LRRC8D: variants seen among roughly 807,000 people sequenced by gnomAD.
The protein encoded by LRRC8D is leucine rich repeat containing 8 VRAC subunit D.
A neutral mutation model predicts 55.8 loss-of-function variants in LRRC8D; 20 were observed. The observed-to-expected ratio is 0.36, with a 90% CI of 0.25 to 0.52. The LOEUF is 0.52. Among genes scored for constraint, LRRC8D ranks in the 20% least tolerant of loss-of-function variants. The probability of loss-of-function intolerance (pLI) is 0.93; values close to 1 mark genes in which losing one functional copy is unlikely to be tolerated. For missense variants in LRRC8D, 651 were observed against 1,030.8 expected (o/e 0.63, Z 5.05); for synonymous variants, 352 against 377.0 (o/e 0.93, Z 0.77).
chr1:89,856,710 A>G (rs1201045185), intron 2 of LRRC8D, among the ~76,000 whole-genome samples: 2 of 152,154 alleles, frequency 1.3e-5, no homozygotes, highest in African/African-American at 4.8e-5. Context: ...TGTAGACGGT[A>G]TATATTTGGG....
chr1:89,843,867 G>C, intron 2 of LRRC8D, 85 bp downstream of exon 2: 2 of 561,148 alleles, frequency 3.6e-6, no homozygotes, highest in Admixed American at 5.7e-5. Context: ...TGCATCTCCA[G>C]CTCTGTGCTG....
rs1469571788 is a variant in LRRC8D, at chr1:89,893,885, T to C, written c.-2-39182T>C. Among the ~76,000 whole-genome samples the C allele has an allele frequency of 5.9e-5, 9 of 152,332 alleles. 1 individual carries two copies. In the East Asian group the frequency reaches 1.7e-3, roughly 29 times the overall value. ...TTTGCAGATAATTGGTGATGTGAGT[T>C]TTTGACTGACTTGAGATTAAAATGT... On this transcript the variant is annotated intron_variant, in intron 2 of 2. Coordinates refer to ENST00000337338, the MANE Select transcript of LRRC8D (RefSeq NM_001134479.2).
intron 2 of LRRC8D, among the ~76,000 whole-genome samples, chr1:89,922,352 A>C (rs1557485319): frequency 6.6e-6 from 1 of 152,222 alleles, no homozygotes; most frequent in Non-Finnish European, 1.5e-5. Flanking sequence ...GACATGAGCC[A>C]CTGCGTCTGG....
intron 2 of LRRC8D, among the ~76,000 whole-genome samples, chr1:89,845,659 A>T (rs2100751597): frequency 6.6e-6 from 1 of 152,058 alleles, no homozygotes; most frequent in Non-Finnish European, 1.5e-5. Context: ...CTGGTCTCGA[A>T]CTCCTAACCT....
At chr1:89,853,641 C>T (rs2100773277) in intron 2 of LRRC8D, among the ~76,000 whole-genome samples, 1 of 152,234 alleles carries the variant, frequency 6.6e-6, no homozygotes, top group East Asian at 1.9e-4. Context: ...AGGTGAGCAA[C>T]TTGCCACGCT....
rs376628695 is a variant in LRRC8D at position 89,849,403 on chromosome 1, A to G, written c.-3+5621A>G. Among the ~76,000 whole-genome samples the G allele has an allele frequency of 3.3e-5, 5 of 152,202 alleles. No homozygotes were observed. The East Asian group carries it at 7.7e-4, about 24-fold the overall frequency. On this transcript the variant is annotated intron_variant, in intron 2 of 2. Coordinates refer to ENST00000337338, the MANE Select transcript of LRRC8D (RefSeq NM_001134479.2). ...ACAAACAATATTGCTGGATCATAGG[A>G]TATATGCGTACTAGGAACTGCATAA... is the stretch of plus-strand genomic sequence containing the variant.
chr1:89,832,884 T>C (rs891798354), intron 1 of LRRC8D, among the ~76,000 whole-genome samples: 1 of 152,250 alleles, frequency 6.6e-6, no homozygotes, highest in Admixed American at 6.5e-5. Flanking sequence ...TGCCAGGCAC[T>C]GTTTGCAGCA....
At chr1:89,861,882 CAG>C (rs1463924220) in intron 2 of LRRC8D, among the ~76,000 whole-genome samples, 6 of 152,110 alleles carry the variant, frequency 3.9e-5, no homozygotes, top group Admixed American at 3.3e-4. Context: ...TTGTATTTGA[CAG>C]AGAAGAAGAA....
rs374403350 is a variant in LRRC8D at position 89,933,083 on chromosome 1, G to A, written c.15G>A (p.Ala5=). 21 of 1,605,596 alleles carry A rather than the reference G, an allele frequency of 1.3e-5. No individual in the cohort carries two copies. The highest frequency in any genetic ancestry group is 1.2e-4 in the Admixed American group (7 of 59,918). MFTL[A]EVASLNDIQP... is the part of the protein sequence containing the mutation. ...GTTTTCTAGGAATGTTTACCCTTGCGGAAGTTGCATCACTTAATGACATTC... is the reference window on the plus strand; with the variant it reads ...GTTTTCTAGGAATGTTTACCCTTGCAGAAGTTGCATCACTTAATGACATTC... Residue 5 remains alanine, a synonymous_variant, in exon 3 of 3, where the codon GCG becomes GCA. Coordinates refer to ENST00000337338, the MANE Select transcript of LRRC8D (RefSeq NM_001134479.2). The surrounding 1 kb of genome is among the most constrained non-coding windows in gnomAD (Gnocchi z 7.0).
chr1:89,847,058 C>T (rs1460707274), intron 2 of LRRC8D, among the ~76,000 whole-genome samples: 1 of 152,078 alleles, frequency 6.6e-6, no homozygotes, highest in African/African-American at 2.4e-5. Flanking sequence ...TGAGCAAACC[C>T]ATGTAACTTT....
At chr1:89,864,744 G>A (rs1022486141) in intron 2 of LRRC8D, among the ~76,000 whole-genome samples, 5 of 152,088 alleles carry the variant, frequency 3.3e-5, no homozygotes, top group African/African-American at 1.2e-4. Flanking sequence ...TCAAGACCTT[G>A]CCGCAGGAAA....
At chr1:89,871,519 G>A (rs1279138655) in intron 2 of LRRC8D, among the ~76,000 whole-genome samples, 2 of 152,254 alleles carry the variant, frequency 1.3e-5, no homozygotes, top group East Asian at 3.9e-4. Flanking sequence ...AACAGAATAT[G>A]AAGTTTATGA....
At chr1:89,887,127 G>A (rs1662438241) in intron 2 of LRRC8D, among the ~76,000 whole-genome samples, 1 of 152,044 alleles carries the variant, frequency 6.6e-6, no homozygotes, top group South Asian at 2.1e-4. Context: ...GTTTACATGG[G>A]CATAAATCTG....
At chr1:89,917,359 T>C (rs1420943692) in intron 2 of LRRC8D, among the ~76,000 whole-genome samples, 1 of 152,160 alleles carries the variant, frequency 6.6e-6, no homozygotes, top group Non-Finnish European at 1.5e-5. Context: ...CAGAGTAATC[T>C]TTAAAAGGGA....
At chr1:89,924,456 G>A (rs940222105) in intron 2 of LRRC8D, among the ~76,000 whole-genome samples, 3 of 152,162 alleles carry the variant, frequency 2.0e-5, no homozygotes, top group African/African-American at 7.2e-5. Context: ...AAACACTTAC[G>A]CACTGCTGGT....
chr1:89,876,015 G>A (rs1473153858), intron 2 of LRRC8D, among the ~76,000 whole-genome samples: 1 of 152,156 alleles, frequency 6.6e-6, no homozygotes, highest in Non-Finnish European at 1.5e-5. Flanking sequence ...TGGGTAGGGA[G>A]CATGTCAGCC....
Position 89,934,294 on chromosome 1 carries a change from T to C in LRRC8D, c.1226T>C (p.Ile409Thr), listed in dbSNP as rs1221808823. The part of the protein sequence containing the change: ...KVREESSFSD[I>T]PDVKNDFAFL... ...AGAGAAGAGAGCAGTTTTAGTGACA[T>C]TCCAGATGTCAAAAACGATTTTGCG... is the stretch of plus-strand genomic sequence containing the variant. Residue 409 changes from isoleucine (I) to threonine (T), a missense_variant, in exon 3 of 3, where the codon ATT (isoleucine) becomes ACT (threonine). By Grantham distance (89) the Ile-to-Thr change is moderately conservative. Coordinates refer to ENST00000337338, the MANE Select transcript of LRRC8D (RefSeq NM_001134479.2). The surrounding 1 kb of genome is among the most constrained non-coding windows in gnomAD (Gnocchi z 5.9). 1 of 1,614,128 alleles carries C rather than the reference T, an allele frequency of 6.2e-7. No individual in the cohort carries two copies.
intron 2 of LRRC8D, among the ~76,000 whole-genome samples, chr1:89,865,012 TC>T (rs1171623044): frequency 6.6e-6 from 1 of 152,158 alleles, no homozygotes; most frequent in East Asian, 1.9e-4. Context: ...CTGGATTAGG[TC>T]CCCTTGCTGT....
rs1663828327 is a variant in LRRC8D at position 89,935,550 on chromosome 1, C to T, written c.2482C>T (p.Leu828Phe). The T allele has an allele frequency of 1.2e-6, 2 of 1,614,106 alleles. No individual in the cohort carries two copies. ...GQCRMLKKSGLVVEDHLFDTL... is the reference protein window; with the variant it reads ...GQCRMLKKSGFVVEDHLFDTL... The stretch of plus-strand genomic sequence containing the variant: ...GTGTCGGATGCTCAAGAAAAGCGGG[C>T]TTGTTGTGGAAGATCACCTTTTTGA... The change falls in exon 3 of 3, where the codon CTT (leucine) becomes TTT (phenylalanine). Residue 828 changes from leucine (L) to phenylalanine (F), a missense_variant. Coordinates refer to ENST00000337338, the MANE Select transcript of LRRC8D (RefSeq NM_001134479.2).
Sources: allele counts gnomAD v4.1 joint callset (sites outside exome capture counted in the v4.1 genomes callset), GRCh38; gene constraint gnomAD v4.1.1; non-coding constraint Gnocchi (gnomAD v3.1); transcripts MANE v1.5; gene names NCBI Gene and HGNC (gene_info 2026-07-23, HGNC 2026-07-21).